The following TAFA2 variants were observed in gnomAD, a reference collection of about 807,000 sequenced individuals.
TAFA2 encodes chemokine-like protein TAFA-2.
Under a neutral mutation model 18.8 loss-of-function variants are expected in TAFA2, and 7 were observed. That is an observed-to-expected ratio of 0.37 (90% CI 0.21 to 0.70). The LOEUF (loss-of-function observed/expected upper bound fraction) is 0.70, where lower values mean the gene tolerates loss of function less well. TAFA2 is among the 30% of genes least tolerant of loss of function. The pLI is 0.53. For synonymous variants in TAFA2, 60 were observed against 54.2 expected (o/e 1.11, Z -0.47); for missense variants, 122 against 158.1 (o/e 0.77, Z 1.23).
chr12:61,851,734 C>A (rs190030590), intron 2 of TAFA2, among the ~76,000 whole-genome samples: 1 of 113,548 alleles, frequency 8.8e-6, no homozygotes, highest in African/African-American at 3.5e-5. Context: ...GAGATTGTGC[C>A]ACCGCACTCC....
At chr12:62,039,656 T>C (rs1881706005) in intron 1 of TAFA2, among the ~76,000 whole-genome samples, 1 of 152,222 alleles carries the variant, frequency 6.6e-6, no homozygotes, top group African/African-American at 2.4e-5. Flanking sequence ...TTGAGAATAC[T>C]ACTAAGAACT....
intron 1 of TAFA2, among the ~76,000 whole-genome samples, chr12:62,150,829 C>T (rs2062323051): frequency 1.3e-5 from 2 of 151,846 alleles, no homozygotes; most frequent in Admixed American, 1.3e-4. Flanking sequence ...TCACTTGAAC[C>T]CAGGAGACGG....
chr12:61,781,206 T>A (rs1565631527), intron 2 of TAFA2, among the ~76,000 whole-genome samples: 2 of 151,588 alleles, frequency 1.3e-5, no homozygotes, highest in African/African-American at 4.8e-5. Flanking sequence ...CTATTTGGAC[T>A]GGGGAGCAGG....
chr12:61,739,891 T>G (rs1250261412), intron 4 of TAFA2, among the ~76,000 whole-genome samples: 1 of 152,072 alleles, frequency 6.6e-6, no homozygotes, highest in Non-Finnish European at 1.5e-5. Flanking sequence ...CTGAGAATAT[T>G]CAATTTGATT....
intron 4 of TAFA2, among the ~76,000 whole-genome samples, chr12:61,742,317 T>C (rs1868492844): frequency 6.6e-6 from 1 of 152,140 alleles, no homozygotes; most frequent in South Asian, 2.1e-4. Flanking sequence ...AGTTTTAGGA[T>C]TATAATAAAA....
At chr12:62,144,545 T>G (rs1205495998) in intron 1 of TAFA2, among the ~76,000 whole-genome samples, 2 of 152,222 alleles carry the variant, frequency 1.3e-5, no homozygotes, top group African/African-American at 4.8e-5. Context: ...ATTGTGGTAG[T>G]ACACAAATTG....
intron 1 of TAFA2, among the ~76,000 whole-genome samples, chr12:61,998,369 C>T (rs141087755): frequency 4.4e-4 from 67 of 152,266 alleles, no homozygotes; most frequent in Non-Finnish European, 7.2e-4. Context: ...ATTAACTCCT[C>T]CCCTTACCCT....
intron 2 of TAFA2, among the ~76,000 whole-genome samples, chr12:61,846,252 C>T (rs1300475544): frequency 2.6e-5 from 4 of 152,096 alleles, no homozygotes; most frequent in Admixed American, 6.6e-5. Context: ...TCTATATTTA[C>T]TAATGCATCA....
chr12:61,760,385 C>T (rs144318835), intron 2 of TAFA2, among the ~76,000 whole-genome samples: 7,354 of 79,258 alleles, frequency 0.093, 434 homozygotes, highest in East Asian at 0.31. Context: ...TATATATATG[C>T]GCCAGTAAAT....
At chr12:62,184,814 T>C (rs1488251750) in intron 1 of TAFA2, among the ~76,000 whole-genome samples, 1 of 152,138 alleles carries the variant, frequency 6.6e-6, no homozygotes. Context: ...AAACACTTTA[T>C]TTTAATTGTC....
intron 1 of TAFA2, among the ~76,000 whole-genome samples, chr12:62,147,345 T>C (rs1471578274): frequency 1.2e-5 from 1 of 81,030 alleles, no homozygotes; most frequent in Non-Finnish European, 2.9e-5. Flanking sequence ...TATATATATA[T>C]ATATATATAT....
intron 1 of TAFA2, among the ~76,000 whole-genome samples, chr12:62,091,720 C>A (rs1267416299): frequency 6.6e-6 from 1 of 151,970 alleles, no homozygotes; most frequent in Non-Finnish European, 1.5e-5. Flanking sequence ...CCTAGGTGAT[C>A]CCAGACCCAC....
intron 1 of TAFA2, among the ~76,000 whole-genome samples, chr12:61,936,936 G>T (rs1385345453): frequency 1.3e-5 from 2 of 151,952 alleles, no homozygotes; most frequent in Non-Finnish European, 2.9e-5. Context: ...TCCTCCAAAT[G>T]ACTACTAGAT....
At chr12:61,847,414 C>CT (rs1167310897) in intron 2 of TAFA2, among the ~76,000 whole-genome samples, 1 of 151,990 alleles carries the variant, frequency 6.6e-6, no homozygotes, top group African/African-American at 2.4e-5. Flanking sequence ...AAATAAATTA[C>CT]TGGGAAATAA....
intron 1 of TAFA2, among the ~76,000 whole-genome samples, chr12:62,157,610 C>T (rs1009221042): frequency 2.0e-5 from 3 of 152,178 alleles, no homozygotes; most frequent in Admixed American, 6.5e-5. Flanking sequence ...ATTCCCAGAT[C>T]AGGGCTTTTG....
At chr12:61,879,982 G>T (rs2121267090) in intron 1 of TAFA2, 3 of 821,394 alleles carry the variant, frequency 3.7e-6, no homozygotes, top group Non-Finnish European at 6.4e-6. Context: ...TGACTGATGA[G>T]ATCAACTTCC....
intron 2 of TAFA2, among the ~76,000 whole-genome samples, chr12:61,787,055 T>C (rs528505220): frequency 6.6e-6 from 1 of 151,462 alleles, no homozygotes; most frequent in African/African-American, 2.4e-5. Flanking sequence ...AATACTCCCA[T>C]TAAAAGAGAT....
chr12:62,242,968 T>C (rs1224206605), intron 1 of TAFA2, among the ~76,000 whole-genome samples: 1 of 152,224 alleles, frequency 6.6e-6, no homozygotes, highest in African/African-American at 2.4e-5. Context: ...CCCAGATTCA[T>C]TTAAACATCC....
intron 1 of TAFA2, among the ~76,000 whole-genome samples, chr12:61,896,158 A>G (rs1875834371): frequency 6.6e-6 from 1 of 152,200 alleles, no homozygotes; most frequent in African/African-American, 2.4e-5. Context: ...CGATGAGGCA[A>G]TGGAAAGCCA....
Sources: gnomAD v4.1 joint callset for allele counts (sites outside exome capture counted in the v4.1 genomes callset) on GRCh38, gnomAD v4.1.1 for gene constraint, MANE v1.5 for transcripts, NCBI Gene and HGNC (gene_info 2026-07-23, HGNC 2026-07-21) for gene names.